The following ADGRL4 variants were observed in gnomAD, a reference collection of about 807,000 sequenced individuals.
ADGRL4 encodes adhesion G protein-coupled receptor L4.
ADGRL4 carries 90 observed loss-of-function variants against 74.8 expected under a neutral mutation model. The ratio of observed to expected loss-of-function variants is 1.20; its 90% CI spans 1.02 to 1.43. The LOEUF (loss-of-function observed/expected upper bound fraction) is 1.43. Ranked by LOEUF, ADGRL4 falls within the 40% of genes most tolerant of loss-of-function variation. The pLI, the probability that ADGRL4 is intolerant of heterozygous loss-of-function variation, is 0.00. For missense variants in ADGRL4, 881 were observed against 814.3 expected, an observed-to-expected ratio of 1.08 and a Z score of -1.00; for synonymous variants, 311 against 279.2, an observed-to-expected ratio of 1.11 and a Z score of -1.14.
intron 7 of ADGRL4, among the ~76,000 whole-genome samples, chr1:78,933,280 C>G (rs1170645427): frequency 6.6e-6 from 1 of 151,418 alleles, no homozygotes; most frequent in African/African-American, 2.5e-5. Flanking sequence ...TCAACATACA[C>G]AAATCAATAA....
chr1:78,912,956 C>T (rs574636070), intron 12 of ADGRL4, among the ~76,000 whole-genome samples: 13 of 151,914 alleles, frequency 8.6e-5, no homozygotes, highest in African/African-American at 2.7e-4. Context: ...AACAAACAAC[C>T]CCATTACAAT....
At chr1:78,891,340 T>C (rs545398491) in intron 14 of ADGRL4, 124 bp from the exon 15 acceptor site, 259 of 1,251,660 alleles carry the variant, frequency 2.1e-4, no homozygotes, top group Admixed American at 1.1e-3. Context: ...AATATGTCCA[T>C]TTAAGTTATA....
rs1570217521 is a variant in ADGRL4 at position 78,907,307 on chromosome 1, A to C, written c.1749+10327T>G. Among the ~76,000 whole-genome samples the C allele has an allele frequency of 2.6e-5, 4 of 152,100 alleles. No individual in the cohort carries two copies. In the Middle Eastern group the frequency reaches 0.014, roughly 517 times the overall value. On this transcript the variant is annotated intron_variant, in intron 12 of 14. Transcript: ENST00000370742. ...AATAATCTTATGTCCGTGATGATTTATTTCTTTAAATTTCCATTTTAGGGA... is the reference window on the plus strand; with the variant it reads ...AATAATCTTATGTCCGTGATGATTTCTTTCTTTAAATTTCCATTTTAGGGA...
chr1:78,909,503 T>C (rs895261728), intron 12 of ADGRL4, among the ~76,000 whole-genome samples: 3 of 151,846 alleles, frequency 2.0e-5, no homozygotes, highest in African/African-American at 7.3e-5. Context: ...AAGCTTATAA[T>C]AGCACAGACA....
rs754090550 is a variant in ADGRL4 at position 78,937,889 on chromosome 1, C to T, written c.678G>A (p.Met226Ile). ...NHRRTHLTKL[M>I]HTVEQATLRI... is the part of the protein sequence containing the mutation. ...TTAAAGTAGCTTGTTCAACAGTGTG[C>T]ATGAGTTTTGTAAGATGTGTTCTCC... The change falls in exon 6 of 15, where the codon ATG (methionine) becomes ATA (isoleucine). Residue 226 changes from methionine (M) to isoleucine (I), a missense_variant. Coordinates refer to ENST00000370742, the MANE Select transcript of ADGRL4 (RefSeq NM_022159.4). 6.2e-7 allele frequency: 1 copy of T among 1,614,002 alleles called. No homozygotes were observed. Among genetic ancestry groups the T allele is most frequent in the Non-Finnish European group, 8.5e-7 (1 of 1,179,932 alleles).
chr1:78,973,061 C>CATT (rs1336570051), intron 2 of ADGRL4, among the ~76,000 whole-genome samples: 5 of 152,272 alleles, frequency 3.3e-5, no homozygotes, highest in African/African-American at 4.8e-5. Context: ...TCTCAAATAT[C>CATT]ATTTCCTCCT....
intron 3 of ADGRL4, among the ~76,000 whole-genome samples, chr1:78,941,413 C>T (rs1649477012): frequency 6.6e-6 from 1 of 152,128 alleles, no homozygotes; most frequent in Non-Finnish European, 1.5e-5. Flanking sequence ...TGTGAATAAA[C>T]CCATGAAGTA....
At chr1:78,999,636 AAT>A (rs928642171) in intron 2 of ADGRL4, among the ~76,000 whole-genome samples, 22 of 152,158 alleles carry the variant, frequency 1.4e-4, no homozygotes, top group Non-Finnish European at 2.2e-4. Context: ...GCAGCTTCAA[AAT>A]ATATGGCAGA....
At chr1:78,935,259 T>C (rs1649329177) in intron 7 of ADGRL4, among the ~76,000 whole-genome samples, 1 of 152,172 alleles carries the variant, frequency 6.6e-6, no homozygotes, top group South Asian at 2.1e-4. Context: ...TGCAGGGACT[T>C]TGATGAGAGC....
At chr1:78,969,501 A>G (rs2100715963) in intron 2 of ADGRL4, among the ~76,000 whole-genome samples, 1 of 152,246 alleles carries the variant, frequency 6.6e-6, no homozygotes, top group African/African-American at 2.4e-5. Flanking sequence ...CACCCAACTC[A>G]CAGATATTTG....
chr1:78,996,831 A>C (rs553471237), intron 2 of ADGRL4, among the ~76,000 whole-genome samples: 25 of 152,324 alleles, frequency 1.6e-4, no homozygotes, highest in African/African-American at 5.8e-4. Flanking sequence ...CAGGTGAAAA[A>C]ATACTTTAGG....
Position 78,917,646 on chromosome 1 carries a change from G to A in ADGRL4, c.1737C>T (p.Cys579=), listed in dbSNP as rs375073432. 6.3e-7 allele frequency: 1 copy of A among 1,599,618 alleles called. No homozygotes were observed. Among genetic ancestry groups the A allele is most frequent in the Non-Finnish European group, 8.5e-7 (1 of 1,171,642 alleles). ...TATATATACATACAAGAATGATTAG[G>A]CATGCTGGTCCTATAAAACTCCAAA... ...NFIWSFIGPA[C]LIILVNLLAF... The change falls in exon 12 of 15, where the codon TGC becomes TGT. Residue 579 remains cysteine, a synonymous_variant. Transcript: ENST00000370742.
At chr1:79,000,017 G>A (rs6666537) in intron 2 of ADGRL4, among the ~76,000 whole-genome samples, 109,485 of 152,028 alleles carry the variant, frequency 0.72, 39,538 homozygotes, top group East Asian at 0.82. Flanking sequence ...AGATTGATTT[G>A]GTATAAAATT....
chr1:78,921,371 C>T (rs1213360149), intron 9 of ADGRL4, among the ~76,000 whole-genome samples: 1 of 148,562 alleles, frequency 6.7e-6, no homozygotes, highest in Non-Finnish European at 1.5e-5. Context: ...TGTAATCTAC[C>T]AGATATTACA....
intron 2 of ADGRL4, among the ~76,000 whole-genome samples, chr1:78,952,453 T>A (rs1187642361): frequency 6.6e-6 from 1 of 151,572 alleles, no homozygotes; most frequent in Admixed American, 6.6e-5. Flanking sequence ...TCACTATCCT[T>A]CTCAATCAAT....
chr1:78,974,057 C>G (rs1650229874), intron 2 of ADGRL4, among the ~76,000 whole-genome samples: 1 of 152,134 alleles, frequency 6.6e-6, no homozygotes, highest in East Asian at 1.9e-4. Flanking sequence ...CTCCAGCACC[C>G]CACGCAAGCC....
intron 13 of ADGRL4, 115 bp downstream of exon 13, chr1:78,892,983 G>T (rs965856590): frequency 3.2e-6 from 2 of 631,576 alleles, no homozygotes; most frequent in African/African-American, 1.9e-5. Flanking sequence ...TTTAAATATG[G>T]TAAAGTATGA....
In ADGRL4 at chr1:78,890,202, A is replaced by G. The variant is rs1228364670; in HGVS notation, c.*952T>C. 1 of 153,026 alleles carries G rather than the reference A, an allele frequency of 6.5e-6. No individual in the cohort carries two copies. The highest frequency in any genetic ancestry group is 1.5e-5 in the Non-Finnish European group (1 of 68,606). The allele number at this position is 153,026 out of a possible 1,614,324, so 9.5% of individuals were successfully genotyped here. A position where few individuals can be genotyped will look rare whatever the true frequency, so the allele number is the denominator to read the frequency against. ...TTAAAAATAGTAAATTAAAGGGAATATTGCAATGTGAACTGTGATATTTAT... is the reference window on the plus strand; with the variant it reads ...TTAAAAATAGTAAATTAAAGGGAATGTTGCAATGTGAACTGTGATATTTAT... On this transcript the variant is annotated 3_prime_UTR_variant, in exon 15 of 15. Transcript: ENST00000370742.
At chr1:78,982,257 A>G (rs1204992241) in intron 2 of ADGRL4, among the ~76,000 whole-genome samples, 1 of 151,846 alleles carries the variant, frequency 6.6e-6, no homozygotes, top group African/African-American at 2.4e-5. Flanking sequence ...ACATTTTCCT[A>G]TGAAAGGTGG....
Sources: allele counts gnomAD v4.1 joint callset (sites outside exome capture counted in the v4.1 genomes callset), GRCh38; gene constraint gnomAD v4.1.1; transcripts MANE v1.5; gene names NCBI Gene and HGNC (gene_info 2026-07-23, HGNC 2026-07-21).